Variants in STK32B observed in about 807,000 individuals in gnomAD.
STK32B encodes serine/threonine-protein kinase 32B.
STK32B carries 43 observed loss-of-function variants against 52.6 expected under a neutral mutation model. The observed-to-expected ratio is 0.82, with a 90% CI of 0.64 to 1.05. The LOEUF (loss-of-function observed/expected upper bound fraction) is 1.05, where lower values mean the gene tolerates loss of function less well. STK32B is among the 50% of genes least tolerant of loss of function. The pLI is 0.00. For missense variants in STK32B, 621 were observed against 534.6 expected (o/e 1.16, Z -1.59); for synonymous variants, 238 against 204.3 (o/e 1.17, Z -1.41).
chr4:5,203,137 GT>G (rs1722286516), intron 3 of STK32B, among the ~76,000 whole-genome samples: 1 of 152,170 alleles, frequency 6.6e-6, no homozygotes, highest in African/African-American at 2.4e-5. Flanking sequence ...GGTATTTCTT[GT>G]TGCTGTAATG....
At chr4:5,121,239 A>C (rs1177977269) in intron 1 of STK32B, among the ~76,000 whole-genome samples, 3 of 152,220 alleles carry the variant, frequency 2.0e-5, no homozygotes, top group Non-Finnish European at 4.4e-5. Context: ...AAGTTGCTGC[A>C]AAATCCATTT....
chr4:5,469,316 G>A lies in STK32B; in HGVS notation c.1106+1246G>A, dbSNP rs930028705. Among the ~76,000 whole-genome samples, 13 of 152,336 alleles carry A rather than the reference G, an allele frequency of 8.5e-5. No individual in the cohort carries two copies. In the South Asian group the frequency reaches 1.0e-3, roughly 12 times the overall value. On this transcript the variant is annotated intron_variant, in intron 11 of 11. Transcript: ENST00000282908. The surrounding 1 kb of genome is among the most constrained non-coding windows in gnomAD (Gnocchi z 4.7). ...CAGATGCTAACAGCGCAGGAAACAC[G>A]TGCTAAGGCCAAGGGCCACCCAGGG...
intron 6 of STK32B, among the ~76,000 whole-genome samples, chr4:5,432,097 G>A (rs559208195): frequency 1.3e-5 from 2 of 152,338 alleles, no homozygotes. Context: ...AATCTCTGAA[G>A]TAAATGCGTC....
chr4:5,302,824 G>C (rs1729652632), intron 3 of STK32B, among the ~76,000 whole-genome samples: 1 of 151,018 alleles, frequency 6.6e-6, no homozygotes. Context: ...TCATAGCTTA[G>C]CTCCCACTAA....
intron 6 of STK32B, among the ~76,000 whole-genome samples, chr4:5,418,511 T>C (rs1712348775): frequency 6.6e-6 from 1 of 152,256 alleles, no homozygotes; most frequent in African/African-American, 2.4e-5. Flanking sequence ...CAATGGTTAC[T>C]GCTATTAATG....
At chr4:5,438,635 G>A (rs142909022) in intron 6 of STK32B, among the ~76,000 whole-genome samples, 9 of 152,224 alleles carry the variant, frequency 5.9e-5, no homozygotes, top group Admixed American at 2.0e-4. Flanking sequence ...AAGTTTTAGG[G>A]TACATGTGCA....
At chr4:5,115,767 G>A (rs1457733196) in intron 1 of STK32B, among the ~76,000 whole-genome samples, 1 of 152,278 alleles carries the variant, frequency 6.6e-6, no homozygotes, top group Non-Finnish European at 1.5e-5. Flanking sequence ...TCAAAGACAA[G>A]CATCTCTGCT....
chr4:5,068,243 T>A (rs553432970), intron 1 of STK32B, among the ~76,000 whole-genome samples: 1 of 152,264 alleles, frequency 6.6e-6, no homozygotes, highest in South Asian at 2.1e-4. Flanking sequence ...TAGCATACAT[T>A]GTACCCAATG....
intron 3 of STK32B, among the ~76,000 whole-genome samples, chr4:5,262,626 A>G (rs1726791390): frequency 7.5e-6 from 1 of 133,354 alleles, no homozygotes; most frequent in African/African-American, 3.5e-5. Context: ...CTCCATCTCA[A>G]AAAAAAAAAA....
At chr4:5,152,192 A>G (rs1247871639) in intron 2 of STK32B, among the ~76,000 whole-genome samples, 1 of 152,254 alleles carries the variant, frequency 6.6e-6, no homozygotes, top group Non-Finnish European at 1.5e-5. Flanking sequence ...AATGAAGCTT[A>G]AAGCAAAGAA....
intron 3 of STK32B, among the ~76,000 whole-genome samples, chr4:5,189,407 T>C (rs1276078209): frequency 6.6e-6 from 1 of 152,220 alleles, no homozygotes; most frequent in East Asian, 1.9e-4. Context: ...AATCATACAG[T>C]GTGTAGACTT....
At chr4:5,335,454 A>G (rs541851068) in intron 4 of STK32B, among the ~76,000 whole-genome samples, 57 of 151,946 alleles carry the variant, frequency 3.8e-4, no homozygotes, top group South Asian at 1.2e-3. Flanking sequence ...AATTTTTTCA[A>G]TGGTTTTTTA....
Position 5,358,191 on chromosome 4 carries a change from G to C in STK32B, c.434+26798G>C, listed in dbSNP as rs75408688. 8.7e-3 allele frequency among the ~76,000 whole-genome samples: 1,332 copies of C among 152,312 alleles called. 48 individuals carry two copies. In the East Asian group the frequency reaches 0.11, roughly 12 times the overall value. ...GTATAAATTGCACCCGCAATTGGGT[G>C]GAGAGTGTTTATGTTAGATAATAAA... On this transcript the variant is annotated intron_variant, in intron 4 of 11. Transcript: ENST00000282908.
intron 11 of STK32B, among the ~76,000 whole-genome samples, chr4:5,483,472 C>G (rs1718889758): frequency 6.6e-6 from 1 of 152,014 alleles, no homozygotes; most frequent in Non-Finnish European, 1.5e-5. Context: ...TTTGATCCTT[C>G]TCTCTTTTCT....
At chr4:5,272,556 A>G (rs1727517270) in intron 3 of STK32B, among the ~76,000 whole-genome samples, 1 of 151,728 alleles carries the variant, frequency 6.6e-6, no homozygotes, top group Non-Finnish European at 1.5e-5. Context: ...TTTTCTATTG[A>G]TTGGAATAGT....
intron 11 of STK32B, among the ~76,000 whole-genome samples, chr4:5,486,807 T>G (rs1719258602): frequency 6.6e-6 from 1 of 152,206 alleles, no homozygotes; most frequent in African/African-American, 2.4e-5. Context: ...CATTGCAGAT[T>G]GGCTGGTCTT....
In STK32B at chr4:5,460,034, T is replaced by A; in HGVS notation, c.784-69T>A. 1 of 1,611,952 alleles carries A rather than the reference T, an allele frequency of 6.2e-7. No homozygotes were observed. Among genetic ancestry groups the A allele is most frequent in the Non-Finnish European group, 8.5e-7 (1 of 1,178,604 alleles). ...GCACATTAATTGCCCTGAGACCCCC[T>A]CCTTCAGAGTCCCCGCTAACCTTGA... is the stretch of plus-strand genomic sequence containing the variant. On this transcript the variant is annotated intron_variant, in intron 8 of 11. Coordinates refer to ENST00000282908, the MANE Select transcript of STK32B (RefSeq NM_018401.3). The surrounding 1 kb of genome is among the most constrained non-coding windows in gnomAD (Gnocchi z 4.8).
At chr4:5,022,490 C>G in the STK32B span, among the ~76,000 whole-genome samples, 1 of 152,208 alleles carries the variant, frequency 6.6e-6, no homozygotes, top group Non-Finnish European at 1.5e-5. Context: ...CCTGCATCCT[C>G]CCACCAGCTC....
chr4:5,075,396 CA>C (rs1342654394), intron 1 of STK32B, among the ~76,000 whole-genome samples: 1 of 152,138 alleles, frequency 6.6e-6, no homozygotes, highest in African/African-American at 2.4e-5. Context: ...TTGACAATGT[CA>C]CTTTTATTCA....
Sources: allele counts gnomAD v4.1 joint callset (sites outside exome capture counted in the v4.1 genomes callset), GRCh38; gene constraint gnomAD v4.1.1; non-coding constraint Gnocchi (gnomAD v3.1); transcripts MANE v1.5; gene names NCBI Gene and HGNC (gene_info 2026-07-23, HGNC 2026-07-21).